The following ARHGAP12 variants were observed in gnomAD, a reference collection of about 807,000 sequenced individuals.
ARHGAP12 encodes the protein Rho GTPase activating protein 12, also known as rho GTPase-activating protein 12.
Under a neutral mutation model 108.6 loss-of-function variants are expected in ARHGAP12, and 64 were observed. That is an observed-to-expected ratio of 0.59 (90% CI 0.48 to 0.73). The LOEUF (loss-of-function observed/expected upper bound fraction) is 0.73, where lower values mean the gene tolerates loss of function less well. Ranked by LOEUF, ARHGAP12 falls within the 30% of genes least tolerant of loss-of-function variation. The pLI is 0.00. For synonymous variants in ARHGAP12, 312 were observed against 337.2 expected, an observed-to-expected ratio of 0.93 and a Z score of 0.82; for missense variants, 940 against 1,005.9, an observed-to-expected ratio of 0.93 and a Z score of 0.89.
chr10:31,831,555 G>C (rs1469834519), intron 10 of ARHGAP12, among the ~76,000 whole-genome samples, 184 bp downstream of exon 10: 1 of 151,816 alleles, frequency 6.6e-6, no homozygotes, highest in East Asian at 1.9e-4. Flanking sequence ...TATTACTTAG[G>C]AAATATGTCA....
intron 6 of ARHGAP12, among the ~76,000 whole-genome samples, chr10:31,849,842 T>C (rs1158446015): frequency 6.6e-6 from 1 of 152,194 alleles, no homozygotes; most frequent in African/African-American, 2.4e-5. Flanking sequence ...CTTGATTCAG[T>C]CTCTTGCCTC....
chr10:31,874,217 C>T (rs1837641502), intron 3 of ARHGAP12, among the ~76,000 whole-genome samples: 2 of 152,204 alleles, frequency 1.3e-5, no homozygotes, highest in African/African-American at 4.8e-5. Context: ...TTAAGATATA[C>T]ATTTAAATGC....
rs11008675 is a variant in ARHGAP12, at chr10:31,862,705, G to C, written c.685-1047C>G. Among the ~76,000 whole-genome samples, 854 of 133,100 alleles carry C rather than the reference G, an allele frequency of 6.4e-3. 12 individuals are homozygous for C. The highest frequency in any genetic ancestry group is 0.024 in the East Asian group (92 of 3,832). The allele number at this position is 133,100 out of a possible 152,430, so 87.3% of individuals were successfully genotyped here. On this transcript the variant is annotated intron_variant, in intron 3 of 19. Coordinates refer to ENST00000344936, the MANE Select transcript of ARHGAP12 (RefSeq NM_018287.7). ...GATGACAGTGGCGCATGCACACACA[G>C]ACACACACACACACACACACACACA... is the stretch of plus-strand genomic sequence containing the variant.
chr10:31,818,671 A>AT (rs1287908294), intron 12 of ARHGAP12, among the ~76,000 whole-genome samples: 1 of 152,172 alleles, frequency 6.6e-6, no homozygotes, highest in African/African-American at 2.4e-5. Flanking sequence ...TTCACAAATA[A>AT]TGTTTTAAAA....
At chr10:31,870,224 TTCTG>T (rs1837487572) in intron 3 of ARHGAP12, among the ~76,000 whole-genome samples, 2 of 149,572 alleles carry the variant, frequency 1.3e-5, no homozygotes, top group Admixed American at 1.3e-4. Flanking sequence ...TTACCATAAT[TTCTG>T]TCTTTTTTTT....
intron 3 of ARHGAP12, among the ~76,000 whole-genome samples, chr10:31,889,619 G>GTTTTTTTTTTTTTTTTTTTTTTTTT (rs869116452): frequency 1.7e-4 from 11 of 66,422 alleles, no homozygotes; most frequent in Admixed American, 4.4e-4. Context: ...AATTTTTCTC[G>GTTTTTTTTTTTTTTTTTTTTTTTTT]TTTTTTTTTT....
At chr10:31,917,414 AAAAAG>A (rs1364441535) in intron 1 of ARHGAP12, among the ~76,000 whole-genome samples, 2 of 152,186 alleles carry the variant, frequency 1.3e-5, no homozygotes, top group East Asian at 1.9e-4. Context: ...CAAAAAAATA[AAAAAG>A]AAAAGAAATC....
In ARHGAP12 at chr10:31,908,593, G is replaced by A; in HGVS notation, c.263C>T (p.Pro88Leu). 6.2e-7 allele frequency: 1 copy of A among 1,614,158 alleles called. No individual in the cohort carries two copies. Among genetic ancestry groups the A allele is most frequent in the Non-Finnish European group, 8.5e-7 (1 of 1,180,026 alleles). The change falls in exon 3 of 20, where the codon CCA (proline) becomes CTA (leucine). Residue 88 changes from proline (P) to leucine (L), a missense_variant. By Grantham distance (98) the Pro-to-Leu change is moderately conservative. Transcript: ENST00000344936. ...MPPVKQVAGL[P>L]NNSTKIMQSL... ...CTGCATTATTTTCGTGGAGTTATTT[G>A]GCAGACCAGCTACCTGCTTAACAGG... is the stretch of plus-strand genomic sequence containing the variant.
chr10:31,866,372 C>A (rs1476244885), intron 3 of ARHGAP12, among the ~76,000 whole-genome samples: 2 of 152,106 alleles, frequency 1.3e-5, no homozygotes, highest in Non-Finnish European at 2.9e-5. Context: ...ATACAGAAAA[C>A]AAGTATTGTG....
intron 3 of ARHGAP12, among the ~76,000 whole-genome samples, chr10:31,880,177 CCTT>C (rs1259178915): frequency 6.6e-6 from 1 of 152,102 alleles, no homozygotes. Context: ...ACAGTTTTTG[CCTT>C]CTTTATTTTG....
At chr10:31,848,939 T>C (rs1836567179) in intron 6 of ARHGAP12, among the ~76,000 whole-genome samples, 1 of 151,920 alleles carries the variant, frequency 6.6e-6, no homozygotes, top group Admixed American at 6.6e-5. Context: ...GGTGTGCTGG[T>C]GCACGCCTAT....
intron 19 of ARHGAP12, among the ~76,000 whole-genome samples, chr10:31,808,056 A>C (rs1173097384): frequency 5.3e-5 from 8 of 152,198 alleles, no homozygotes; most frequent in Non-Finnish European, 8.8e-5. Context: ...ATACTCTAAC[A>C]AACTTAAAAT....
At chr10:31,900,430 C>T (rs1838871027) in intron 3 of ARHGAP12, among the ~76,000 whole-genome samples, 1 of 151,974 alleles carries the variant, frequency 6.6e-6, no homozygotes, top group Non-Finnish European at 1.5e-5. Flanking sequence ...TATTAATAAC[C>T]AACAAAAACT....
In ARHGAP12 at chr10:31,807,507, T is replaced by A. The variant is rs192014822; in HGVS notation, c.*151A>T. The A allele has an allele frequency of 2.0e-5, 12 of 604,878 alleles. No homozygotes were observed. In the Admixed American group the frequency reaches 3.8e-4, roughly 19 times the overall value. The allele number at this position is 604,878 out of a possible 1,614,324, so 37.5% of individuals were successfully genotyped here. A position where few individuals can be genotyped will look rare whatever the true frequency, so the allele number is the denominator to read the frequency against. Reference sequence around the variant, plus strand: ...AGCAAATATGAGGGCCTAACACACATCTCGACTCTCCCCTTCCCTTCTGAT... The same window carrying A: ...AGCAAATATGAGGGCCTAACACACAACTCGACTCTCCCCTTCCCTTCTGAT... On this transcript the variant is annotated 3_prime_UTR_variant, in exon 20 of 20. Transcript: ENST00000344936.
intron 3 of ARHGAP12, among the ~76,000 whole-genome samples, chr10:31,870,080 T>C (rs369799497): frequency 1.3e-4 from 20 of 152,322 alleles, no homozygotes; most frequent in African/African-American, 4.3e-4. Flanking sequence ...AAAAAACATT[T>C]ACCACAAATG....
In ARHGAP12 at chr10:31,853,980, CT is replaced by C. The variant is rs1019802441; in HGVS notation, c.1089+85del. ...TGAAGAATATTTTCATGAGTTTTTTCTTTTTTAAATACTAAAACTGCAGTAC... is the reference window on the plus strand; with the variant it reads ...TGAAGAATATTTTCATGAGTTTTTTCTTTTTAAATACTAAAACTGCAGTAC... On this transcript the variant is annotated intron_variant, in intron 5 of 19. Coordinates refer to ENST00000344936, the MANE Select transcript of ARHGAP12 (RefSeq NM_018287.7). 2.1e-5 allele frequency: 29 copies of C among 1,351,736 alleles called. No individual in the cohort carries two copies. The African/African-American group carries it at 4.2e-4, about 19-fold the overall frequency. The allele number at this position is 1,351,736 out of a possible 1,614,324, so 83.7% of individuals were successfully genotyped here.
chr10:31,838,602 G>T (rs750211215), intron 9 of ARHGAP12, among the ~76,000 whole-genome samples: 1 of 152,028 alleles, frequency 6.6e-6, no homozygotes, highest in Non-Finnish European at 1.5e-5. Flanking sequence ...GGCCAGGGTG[G>T]GTGGATCACT....
At chr10:31,808,313 T>C (rs1009609096) in intron 19 of ARHGAP12, 2 of 172,930 alleles carry the variant, frequency 1.2e-5, no homozygotes, top group Non-Finnish European at 2.4e-5. Flanking sequence ...AAAGTGGCTA[T>C]GTAGTAACCT....
intron 12 of ARHGAP12, 49 bp downstream of exon 12, chr10:31,820,338 C>T (rs1455761567): frequency 1.3e-5 from 19 of 1,420,924 alleles, no homozygotes; most frequent in Non-Finnish European, 1.7e-5. Context: ...AACAGAACAT[C>T]CAATTACTAC....
Sources: gnomAD v4.1 joint callset for allele counts (sites outside exome capture counted in the v4.1 genomes callset) on GRCh38, gnomAD v4.1.1 for gene constraint, MANE v1.5 for transcripts, NCBI Gene and HGNC (gene_info 2026-07-23, HGNC 2026-07-21) for gene names.